Variants in SLC6A16 observed in about 807,000 individuals in gnomAD.
SLC6A16 encodes the protein solute carrier family 6 member 16.
Under a neutral mutation model 65.4 loss-of-function variants are expected in SLC6A16, and 54 were observed. That is an observed-to-expected ratio of 0.83 (90% CI 0.66 to 1.04). The LOEUF is 1.04. Among genes scored for constraint, SLC6A16 ranks in the 50% least tolerant of loss-of-function variants. SLC6A16 has a pLI of 0.00. For missense variants in SLC6A16, 816 were observed against 914.0 expected (o/e 0.89, Z 1.38); for synonymous variants, 330 against 346.5 (o/e 0.95, Z 0.53).
At chr19:49,296,636 T>G (rs903453770) in intron 7 of SLC6A16, among the ~76,000 whole-genome samples, 2 of 152,066 alleles carry the variant, frequency 1.3e-5, no homozygotes, top group Non-Finnish European at 2.9e-5. Flanking sequence ...ATACAGAAAT[T>G]TATGTGAAAT....
In SLC6A16 at chr19:49,290,131, T is replaced by C. The variant is rs1970045395; in HGVS notation, c.2203A>G (p.Thr735Ala). 1 of 1,613,742 alleles carries C rather than the reference T, an allele frequency of 6.2e-7. No homozygotes were observed. Among genetic ancestry groups the C allele is most frequent in the Non-Finnish European group, 8.5e-7 (1 of 1,179,856 alleles). The change falls in exon 12 of 12, where the codon ACT (threonine) becomes GCT (alanine). Residue 735 changes from threonine (T) to alanine (A), a missense_variant. By Grantham distance (58) the Thr-to-Ala change is moderately conservative (BLOSUM62 0). Transcript: ENST00000335875. The stretch of plus-strand genomic sequence containing the variant: ...AAGCCAAATTAATGAAGTTAGGAAG[T>C]CACATTACAAGTTGATGGGTACTTT... ...ETKYPSTCNVTS is the reference protein window; with the variant it reads ...ETKYPSTCNVAS
intron 7 of SLC6A16, among the ~76,000 whole-genome samples, chr19:49,295,377 C>CA (rs11299915): frequency 9.6e-5 from 14 of 146,312 alleles, no homozygotes; most frequent in East Asian, 2.0e-4. Context: ...GACTCCATTT[C>CA]AAAAAAAAAA....
chr19:49,331,952 G>A, the SLC6A16 span: 9 of 450,850 alleles, frequency 2.0e-5, no homozygotes, highest in Non-Finnish European at 4.0e-5. Flanking sequence ...TCTGAGGAGG[G>A]ATCAGTGGGT....
the SLC6A16 span, chr19:49,339,572 C>T: frequency 4.8e-6 from 7 of 1,453,308 alleles, no homozygotes; most frequent in Non-Finnish European, 5.4e-6. The surrounding 1 kb of genome is among the most constrained non-coding windows in gnomAD (Gnocchi z 4.5). Flanking sequence ...AGGGTGGGGG[C>T]GGCCCAGCTT....
At chr19:49,313,715 G>A (rs1012102919) in intron 1 of SLC6A16, among the ~76,000 whole-genome samples, 4 of 151,694 alleles carry the variant, frequency 2.6e-5, no homozygotes, top group Non-Finnish European at 4.4e-5. Context: ...AGAATCACTT[G>A]AATCGGGAGG....
rs1970779131 is a variant in SLC6A16, at chr19:49,325,168, G to A, written c.-185C>T. 3.0e-6 allele frequency: 3 copies of A among 985,362 alleles called. No homozygotes were observed. Among genetic ancestry groups the A allele is most frequent in the South Asian group, 4.7e-5 (1 of 21,294 alleles). The allele number at this position is 985,362 out of a possible 1,614,324, so 61.0% of individuals were successfully genotyped here. On this transcript the variant is annotated 5_prime_UTR_variant, in exon 1 of 12. Transcript: ENST00000335875. Reference sequence around the variant, plus strand: ...AGGCCCCTTCAGGCGTCGACAGATCGGTTTGGGCGACACCCCTCGATCTGC... The same window carrying A: ...AGGCCCCTTCAGGCGTCGACAGATCAGTTTGGGCGACACCCCTCGATCTGC...
chr19:49,325,208 T>C (rs566811827), upstream of SLC6A16: 1 of 985,558 alleles, frequency 1.0e-6, no homozygotes, highest in East Asian at 1.1e-4. Context: ...CGCGCGGCCT[T>C]TCCCGCCGAT....
the SLC6A16 span, chr19:49,339,426 C>T: frequency 1.9e-6 from 3 of 1,609,780 alleles, no homozygotes; most frequent in Non-Finnish European, 2.5e-6. The surrounding 1 kb of genome is among the most constrained non-coding windows in gnomAD (Gnocchi z 4.5). Flanking sequence ...GATCTGGCCC[C>T]GCCCCCACCC....
chr19:49,339,471 T>C, the SLC6A16 span: 1 of 1,568,278 alleles, frequency 6.4e-7, no homozygotes, highest in Non-Finnish European at 8.7e-7. The surrounding 1 kb of genome is among the most constrained non-coding windows in gnomAD (Gnocchi z 4.5). Context: ...GGCCCTGCCC[T>C]TCATTTCGCG....
upstream of SLC6A16, chr19:49,325,208 T>G: frequency 1.0e-6 from 1 of 985,558 alleles, no homozygotes; most frequent in Non-Finnish European, 1.2e-6. Flanking sequence ...CGCGCGGCCT[T>G]TCCCGCCGAT....
chr19:49,324,697 A>G (rs565367433), intron 1 of SLC6A16, among the ~76,000 whole-genome samples: 1 of 152,342 alleles, frequency 6.6e-6, no homozygotes, highest in South Asian at 2.1e-4. Context: ...TAACTGCCCT[A>G]ACAGACCAGT....
At chr19:49,312,235 C>T (rs1970536803) in intron 1 of SLC6A16, among the ~76,000 whole-genome samples, 1 of 152,146 alleles carries the variant, frequency 6.6e-6, no homozygotes, top group Non-Finnish European at 1.5e-5. Flanking sequence ...CTAAACTAAA[C>T]TAAACTAATT....
At chr19:49,336,894 C>T in the SLC6A16 span, 3 of 1,613,410 alleles carry the variant, frequency 1.9e-6, no homozygotes, top group African/African-American at 4.0e-5. Context: ...TCATCACTCC[C>T]CTCACCTCTC....
chr19:49,308,734 G>A, intron 7 of SLC6A16, 142 bp downstream of exon 7: 1 of 867,714 alleles, frequency 1.2e-6, no homozygotes, highest in Non-Finnish European at 1.8e-6. Context: ...TCCATTTTTA[G>A]CTATGGGGAA....
At chr19:49,302,757 C>A (rs1410380285) in intron 7 of SLC6A16, among the ~76,000 whole-genome samples, 1 of 151,966 alleles carries the variant, frequency 6.6e-6, no homozygotes, top group Non-Finnish European at 1.5e-5. Flanking sequence ...AACAATAGAA[C>A]AACGAAAGAA....
At chr19:49,326,172 A>AG (rs1374122714), upstream of SLC6A16, among the ~76,000 whole-genome samples, 1 of 151,942 alleles carries the variant, frequency 6.6e-6, no homozygotes, top group Non-Finnish European at 1.5e-5. Context: ...TCCGTCTCAA[A>AG]AAAAAAAAGG....
chr19:49,340,219 G>T, the SLC6A16 span: 1 of 1,591,200 alleles, frequency 6.3e-7, no homozygotes. Flanking sequence ...GCACCCCTTC[G>T]ACTTCTCTGA....
chr19:49,316,685 T>C (rs140242346), intron 1 of SLC6A16, among the ~76,000 whole-genome samples: 191 of 151,640 alleles, frequency 1.3e-3, no homozygotes, highest in Non-Finnish European at 2.1e-3. Context: ...GAGGAGAAAT[T>C]CCTGTGAGTA....
chr19:49,330,332 G>A, the SLC6A16 span, among the ~76,000 whole-genome samples: 1 of 152,140 alleles, frequency 6.6e-6, no homozygotes, highest in Non-Finnish European at 1.5e-5. Flanking sequence ...TCCTGAGTCC[G>A]CAGTTCAGGG....
Sources: allele counts gnomAD v4.1 joint callset (sites outside exome capture counted in the v4.1 genomes callset), GRCh38; gene constraint gnomAD v4.1.1; non-coding constraint Gnocchi (gnomAD v3.1); transcripts MANE v1.5; gene names NCBI Gene and HGNC (gene_info 2026-07-23, HGNC 2026-07-21).